The following PLCB2 variants were observed in gnomAD, a reference collection of about 807,000 sequenced individuals.
PLCB2 encodes the protein phospholipase C beta 2.
In PLCB2, 115 loss-of-function variants were observed where a neutral mutation model predicts 141.7. The ratio of observed to expected loss-of-function variants is 0.81; its 90% CI spans 0.70 to 0.95. The LOEUF is 0.95. Among genes scored for constraint, PLCB2 ranks in the 40% least tolerant of loss-of-function variants. The probability of loss-of-function intolerance (pLI) is 0.00; values close to 1 mark genes in which losing one functional copy is unlikely to be tolerated. For missense variants in PLCB2, 1,403 were observed against 1,541.1 expected (o/e 0.91, Z 1.50); for synonymous variants, 603 against 595.6 (o/e 1.01, Z -0.18).
Position 40,291,054 on chromosome 15 carries a change from C to G in PLCB2, c.3000G>C (p.Glu1000Asp). Residue 1000 changes from glutamate to aspartate, a missense_variant, in exon 27 of 32, where the codon GAG becomes GAC. Transcript: ENST00000260402. ...GCTGCTCCTTGCGCTTCAGAACGCA[C>G]TCGTACTGCTCCTCGCCCTGCCGCA... ...ELLRQGEEQY[E>D]CVLKRKEQHV... 6.3e-7 allele frequency: 1 copy of G among 1,593,264 alleles called. No individual in the cohort carries two copies. The highest frequency in any genetic ancestry group is 2.3e-5 in the East Asian group (1 of 44,386).
chr15:40,301,390 C>G (rs1304355333), intron 7 of PLCB2: 2 of 601,300 alleles, frequency 3.3e-6, no homozygotes, highest in African/African-American at 3.7e-5. Flanking sequence ...TTTTGTAATT[C>G]ACACAAGTTG....
At chr15:40,292,016 A>G (rs754560852) in intron 23 of PLCB2, 48 bp downstream of exon 23, 5 of 1,604,840 alleles carry the variant, frequency 3.1e-6, no homozygotes, top group East Asian at 4.5e-5. Context: ...TCCCATAAAT[A>G]GGGCTAATCT....
Position 40,288,268 on chromosome 15 carries a change from G to C in PLCB2, c.*447C>G. Reference sequence around the variant, plus strand: ...CAAGGAGTGGACAAGGCCAACTCAGGGCAGGCCTGATGGGGCCTGGAAGCC... The same window carrying C: ...CAAGGAGTGGACAAGGCCAACTCAGCGCAGGCCTGATGGGGCCTGGAAGCC... On this transcript the variant is annotated 3_prime_UTR_variant, in exon 32 of 32. Transcript: ENST00000260402. 3.0e-6 allele frequency: 3 copies of C among 989,104 alleles called. No homozygotes were observed. Among genetic ancestry groups the C allele is most frequent in the Non-Finnish European group, 3.6e-6 (3 of 832,512 alleles). 61.3% of individuals were successfully genotyped at this position (989,104 alleles called of 1,614,324 possible).
Position 40,289,323 on chromosome 15 carries a change from C to G in PLCB2, c.3303G>C (p.Leu1101=). ...CCAGGCAAGCCGCCTGCTTCTCCTCCAGCTTCTCCTGGTGCCTCTCCAAGT... is the reference window on the plus strand; with the variant it reads ...CCAGGCAAGCCGCCTGCTTCTCCTCGAGCTTCTCCTGGTGCCTCTCCAAGT... ...TENLERHQEK[L]EEKQAACLEQ... Residue 1101 remains leucine, a synonymous_variant, in exon 31 of 32, where the codon CTG becomes CTC. Coordinates refer to ENST00000260402, the MANE Select transcript of PLCB2 (RefSeq NM_004573.3). The G allele has an allele frequency of 6.2e-7, 1 of 1,614,112 alleles. No individual in the cohort carries two copies. The highest frequency in any genetic ancestry group is 8.5e-7 in the Non-Finnish European group (1 of 1,179,968).
chr15:40,289,264 C>A lies in PLCB2; in HGVS notation c.3354+8G>T. The A allele has an allele frequency of 1.2e-6, 2 of 1,611,362 alleles. No homozygotes were observed. Among genetic ancestry groups the A allele is most frequent in the South Asian group, 2.2e-5 (2 of 91,008 alleles). ...TTCTGCTGGGGGTCCCAGTAGTGAA[C>A]CTGTTACCTGCTTTTCCATCTCCCG... On this transcript the variant is annotated splice_region_variant and intron_variant, in intron 31 of 31. Transcript: ENST00000260402.
At chr15:40,284,633 G>A (rs1360412453), downstream of PLCB2, 1 of 450,014 alleles carries the variant, frequency 2.2e-6, no homozygotes, top group Non-Finnish European at 4.4e-6. Flanking sequence ...CGAGATCAAG[G>A]GATCGAGACC....
chr15:40,291,768 A>T, intron 24 of PLCB2, 81 bp downstream of exon 24: 1 of 1,607,556 alleles, frequency 6.2e-7, no homozygotes, highest in Non-Finnish European at 8.5e-7. Flanking sequence ...CACTTTCCCT[A>T]GGTGAAATTT....
At chr15:40,290,204 G>T (rs570928933) in intron 29 of PLCB2, 122 bp from the exon 30 acceptor site, 19 of 723,440 alleles carry the variant, frequency 2.6e-5, no homozygotes, top group Non-Finnish European at 4.3e-5. Context: ...CCAGCTGGGG[G>T]CAGGTGTGGG....
chr15:40,304,894 C>G (rs750289128), intron 1 of PLCB2, among the ~76,000 whole-genome samples: 1 of 152,148 alleles, frequency 6.6e-6, no homozygotes, highest in Non-Finnish European at 1.5e-5. Context: ...GTGTACATAA[C>G]AAGATATTAA....
chr15:40,305,219 T>G (rs2040735811), intron 1 of PLCB2, among the ~76,000 whole-genome samples: 1 of 150,670 alleles, frequency 6.6e-6, no homozygotes, highest in Non-Finnish European at 1.5e-5. Context: ...GGGATACATG[T>G]GCAGAATGTG....
chr15:40,287,762 C>T, downstream of PLCB2: 1 of 176,522 alleles, frequency 5.7e-6, no homozygotes. Flanking sequence ...AGAGGCAGGG[C>T]CATTTCACTG....
In PLCB2 at chr15:40,291,427, C is replaced by T. The variant is rs775636721; in HGVS notation, c.2708G>A (p.Arg903Gln). 2.0e-5 allele frequency: 31 copies of T among 1,540,936 alleles called. No homozygotes were observed. The highest frequency in any genetic ancestry group is 2.6e-5 in the Non-Finnish European group (30 of 1,148,710). Residue 903 changes from arginine to glutamine, a missense_variant, in exon 26 of 32, where the codon CGG becomes CAG. Transcript: ENST00000260402. ...CTCTCGCAGCTCCTTCTCGTGCCGC[C>T]GCTGCAGCTTCACCACGCCCTTTAG... ...RELKGVVKLQ[R>Q]RHEKELRELE...
intron 16 of PLCB2, 81 bp from the exon 17 acceptor site, chr15:40,295,366 C>G: frequency 2.1e-6 from 2 of 944,018 alleles, no homozygotes. Flanking sequence ...TGGGGCAGCT[C>G]CCTCTGGCCT....
At chr15:40,303,466 T>C (rs1339392107) in intron 2 of PLCB2, 110 bp from the exon 3 acceptor site, 4 of 768,410 alleles carry the variant, frequency 5.2e-6, no homozygotes, top group Non-Finnish European at 9.0e-6. Context: ...CTTCAAATCT[T>C]GGCCAACACC....
chr15:40,288,036 C>T lies in PLCB2; in HGVS notation c.*679G>A, dbSNP rs1198048005. The T allele has an allele frequency of 4.1e-6, 4 of 985,398 alleles. No individual in the cohort carries two copies. The highest frequency in any genetic ancestry group is 1.7e-5 in the African/African-American group (1 of 57,248). 61.0% of individuals were successfully genotyped at this position (985,398 alleles called of 1,614,324 possible). A position where few individuals can be genotyped will look rare whatever the true frequency, so the allele number is the denominator to read the frequency against. The stretch of plus-strand genomic sequence containing the variant: ...GAGAGGGGTACATGGTAGGAACTGC[C>T]TGCCCCCAGGCCTAGGAAGAGGGGT... On this transcript the variant is annotated 3_prime_UTR_variant, in exon 32 of 32. Coordinates refer to ENST00000260402, the MANE Select transcript of PLCB2 (RefSeq NM_004573.3).
Position 40,302,627 on chromosome 15 carries a change from A to G in PLCB2, c.232-18T>C. 1 of 1,613,436 alleles carries G rather than the reference A, an allele frequency of 6.2e-7. No individual in the cohort carries two copies. Among genetic ancestry groups the G allele is most frequent in the Non-Finnish European group, 8.5e-7 (1 of 1,179,612 alleles). ...TTCTGGCTCTGCAGCACGTGGTGGT[A>G]TGGTTAGGATGGAGGTGTGCTCCCT... On this transcript the variant is annotated intron_variant, in intron 3 of 31. Transcript: ENST00000260402.
rs768671486 is a variant in PLCB2 at position 40,288,812 on chromosome 15, G to A, written c.3461C>T (p.Ala1154Val). The A allele has an allele frequency of 6.2e-7, 1 of 1,613,904 alleles. No individual in the cohort carries two copies. Among genetic ancestry groups the A allele is most frequent in the Non-Finnish European group, 8.5e-7 (1 of 1,179,828 alleles). Reference protein sequence around the residue: ...ACLRTCFPSEAKDKPERACEC... With the variant: ...ACLRTCFPSEVKDKPERACEC... ...GCAGGCCCTCTCAGGCTTGTCCTTG[G>A]CCTCGGAGGGAAAGCAGGTCCTGAG... The change falls in exon 32 of 32, where the codon GCC becomes GTC. Residue 1154 changes from alanine (A) to valine (V), a missense_variant. By Grantham distance (64) the Ala-to-Val change is moderately conservative. Coordinates refer to ENST00000260402, the MANE Select transcript of PLCB2 (RefSeq NM_004573.3).
At position 40,297,696 on chromosome 15, in the gene PLCB2, G is replaced by T; in HGVS notation, c.1239-91C>A. On this transcript the variant is annotated intron_variant, in intron 12 of 31. Transcript: ENST00000260402. This position sits in a 1 kb window ranked among gnomAD's most constrained non-coding sequence, Gnocchi z 4.2. ...GTGCCCTTGATGACCCAGATCAGGG[G>T]CCAGGAGGTCAGGGAGGCTGGGACT... 2 of 1,144,900 alleles carry T rather than the reference G, an allele frequency of 1.7e-6. No homozygotes were observed. Among genetic ancestry groups the T allele is most frequent in the Admixed American group, 1.9e-5 (1 of 53,110 alleles). 70.9% of individuals were successfully genotyped at this position (1,144,900 alleles called of 1,614,324 possible).
chr15:40,301,498 C>T (rs909575680), intron 7 of PLCB2: 3 of 702,430 alleles, frequency 4.3e-6, no homozygotes, highest in African/African-American at 3.5e-5. Context: ...CAGAAGTCTG[C>T]ATCTTGGCAG....
Sources: gnomAD v4.1 joint callset for allele counts (sites outside exome capture counted in the v4.1 genomes callset) on GRCh38, gnomAD v4.1.1 for gene constraint, Gnocchi (gnomAD v3.1) non-coding constraint, MANE v1.5 for transcripts, NCBI Gene and HGNC (gene_info 2026-07-23, HGNC 2026-07-21) for gene names.